LRP4: variants seen among roughly 807,000 people sequenced by gnomAD.
LRP4 encodes LDL receptor related protein 4, also known as low-density lipoprotein receptor-related protein 4.
In LRP4, 95 loss-of-function variants were observed where a neutral mutation model predicts 220.3. That is an observed-to-expected ratio of 0.43 (90% CI 0.37 to 0.51). The LOEUF (loss-of-function observed/expected upper bound fraction) is 0.51, where lower values mean the gene tolerates loss of function less well. Among genes scored for constraint, LRP4 ranks in the 20% least tolerant of loss-of-function variants. The pLI is 0.00. For missense variants in LRP4, 1,925 were observed against 2,567.0 expected, an observed-to-expected ratio of 0.75 and a Z score of 5.40; for synonymous variants, 903 against 954.6, an observed-to-expected ratio of 0.95 and a Z score of 1.00.
intron 7 of LRP4, 68 bp downstream of exon 7, chr11:46,898,490 G>A: frequency 6.2e-7 from 1 of 1,604,662 alleles, no homozygotes; most frequent in East Asian, 2.2e-5. Context: ...CCAGCCGGTA[G>A]TGGCCTCTTT....
In LRP4 at chr11:46,894,657, C is replaced by T. The variant is rs774924956; in HGVS notation, c.1472G>A (p.Arg491Gln). ...LVFWSDVTLD[R>Q]ILRANLNGSN... is the part of the protein sequence containing the mutation. The stretch of plus-strand genomic sequence containing the variant: ...GCCGTTGAGGTTGGCACGGAGGATC[C>T]GGTCCAGGGTGACATCTGACCAGAA... Residue 491 changes from arginine to glutamine, a missense_variant, in exon 12 of 38, where the codon CGG (arginine) becomes CAG (glutamine). By Grantham distance (43) the Arg-to-Gln change is conservative (BLOSUM62 1). This residue lies in a region of LRP4 where 269 missense variants were observed against 436.7 expected (regional missense o/e 0.62). Coordinates refer to ENST00000378623, the MANE Select transcript of LRP4 (RefSeq NM_002334.4). 21 of 1,614,030 alleles carry T rather than the reference C, an allele frequency of 1.3e-5. No homozygotes were observed. Among genetic ancestry groups the T allele is most frequent in the African/African-American group, 6.7e-5 (5 of 74,940 alleles).
Position 46,858,957 on chromosome 11 carries a change from G to A in LRP4, c.*26C>T. The A allele has an allele frequency of 1.2e-6, 2 of 1,604,548 alleles. No homozygotes were observed. The highest frequency in any genetic ancestry group is 1.9e-4 in the Middle Eastern group (1 of 5,402). On this transcript the variant is annotated 3_prime_UTR_variant, in exon 38 of 38. Transcript: ENST00000378623. ...GACGTCCATAAAGGAGAAGGAACAG[G>A]CAGGCAGGGAAGAGAATGTGGGCAT...
chr11:46,886,410 C>A lies in LRP4; in HGVS notation c.2339G>T (p.Trp780Leu), dbSNP rs1407716107. Residue 780 changes from tryptophan (W) to leucine (L), a missense_variant, in exon 17 of 38, where the codon TGG becomes TTG. Transcript: ENST00000378623. ...GTACACGTGGTCATCCCGGGAGTCC[C>A]AGTCAAGGGCCACAGCACTGCGCAC... The part of the protein sequence containing the change: ...ADVRSAVALD[W>L]DSRDDHVYWT... 8 of 1,613,400 alleles carry A rather than the reference C, an allele frequency of 5.0e-6. No homozygotes were observed. In the Admixed American group the frequency reaches 1.3e-4, roughly 27 times the overall value.
At chr11:46,870,041 G>A (rs1327620780) in intron 31 of LRP4, among the ~76,000 whole-genome samples, 1 of 152,052 alleles carries the variant, frequency 6.6e-6, no homozygotes, top group Non-Finnish European at 1.5e-5. Context: ...AGGAGGTGGG[G>A]GTTGTAGTGA....
Position 46,881,726 on chromosome 11 carries a change from A to G in LRP4, c.2790T>C (p.Ala930=). The G allele has an allele frequency of 6.2e-7, 1 of 1,612,172 alleles. No individual in the cohort carries two copies. Among genetic ancestry groups the G allele is most frequent in the Non-Finnish European group, 8.5e-7 (1 of 1,179,864 alleles). Residue 930 remains alanine, a synonymous_variant, in exon 20 of 38, where the codon GCT becomes GCC. Transcript: ENST00000378623. ...CCTTCCTCTTACTGCCATCCAGTCC[A>G]GCAAATTCAATTGTCTTCATGCCGG... is the stretch of plus-strand genomic sequence containing the variant. ...ADAGMKTIEF[A]GLDGSKRKVL...
rs773599397 is a variant in LRP4 at position 46,881,750 on chromosome 11, G to A, written c.2766C>T (p.Ala922=). ...CAGCAAATTCAATTGTCTTCATGCCGGCGTCAGCCCAGTATAGACGCTGGG... is the reference window on the plus strand; with the variant it reads ...CAGCAAATTCAATTGTCTTCATGCCAGCGTCAGCCCAGTATAGACGCTGGG... The part of the protein sequence containing the change: ...YGSQRLYWAD[A]GMKTIEFAGL... The change falls in exon 20 of 38, where the codon GCC becomes GCT. Residue 922 remains alanine, a synonymous_variant. Coordinates refer to ENST00000378623, the MANE Select transcript of LRP4 (RefSeq NM_002334.4). 1.9e-5 allele frequency: 30 copies of A among 1,613,782 alleles called. No individual in the cohort carries two copies. Among genetic ancestry groups the A allele is most frequent in the East Asian group, 6.7e-5 (3 of 44,816 alleles).
rs1207206457 is a variant in LRP4 at position 46,918,498 on chromosome 11, C to A, written c.-119G>T. The A allele has an allele frequency of 6.2e-6, 4 of 649,920 alleles. No homozygotes were observed. Among genetic ancestry groups the A allele is most frequent in the South Asian group, 7.1e-5 (1 of 14,112 alleles). 40.3% of individuals were successfully genotyped at this position (649,920 alleles called of 1,614,324 possible). A position where few individuals can be genotyped will look rare whatever the true frequency, so the allele number is the denominator to read the frequency against. On this transcript the variant is annotated 5_prime_UTR_variant, in exon 1 of 38. Transcript: ENST00000378623. This position sits in a 1 kb window ranked among gnomAD's most constrained non-coding sequence, Gnocchi z 6.0. Reference sequence around the variant, plus strand: ...CCGGGTGCACGGCGGCCTGCGCGCCCCGCAAGTCGCCCTCGGGCCGCCGCC... The same window carrying A: ...CCGGGTGCACGGCGGCCTGCGCGCCACGCAAGTCGCCCTCGGGCCGCCGCC...
At chr11:46,907,812 TCA>T in intron 1 of LRP4, among the ~76,000 whole-genome samples, 1 of 152,224 alleles carries the variant, frequency 6.6e-6, no homozygotes, top group East Asian at 1.9e-4. Flanking sequence ...CCTCCAGGCC[TCA>T]GTTTCCTCAT....
At position 46,890,111 on chromosome 11, in the gene LRP4, T is replaced by G; in HGVS notation, c.1925A>C (p.His642Pro). The change falls in exon 15 of 38, where the codon CAT becomes CCT. Residue 642 changes from histidine to proline, a missense_variant. His to Pro is a moderately conservative substitution (Grantham distance 77). This residue lies in a region of LRP4 where 269 missense variants were observed against 436.7 expected (regional missense o/e 0.62). Transcript: ENST00000378623. The surrounding 1 kb of genome is among the most constrained non-coding windows in gnomAD (Gnocchi z 5.3). ...TTCAAACACTGTGATGGCGAAGGGATGCGGGAGGCCTGGGGAAAGTCCAGG... is the reference window on the plus strand; with the variant it reads ...TTCAAACACTGTGATGGCGAAGGGAGGCGGGAGGCCTGGGGAAAGTCCAGG... ...RKAVISQGLP[H>P]PFAITVFEDS... The G allele has an allele frequency of 6.2e-7, 1 of 1,614,070 alleles. No individual in the cohort carries two copies. The highest frequency in any genetic ancestry group is 8.5e-7 in the Non-Finnish European group (1 of 1,180,010).
intron 20 of LRP4, among the ~76,000 whole-genome samples, chr11:46,881,355 AC>A (rs1159493680): frequency 1.3e-5 from 2 of 152,196 alleles, no homozygotes; most frequent in African/African-American, 4.8e-5. Flanking sequence ...CAAAACAAAA[AC>A]AAAAAGAGAT....
rs200125265 is a variant in LRP4 at position 46,916,275 on chromosome 11, G to GA, written c.52+2052dup. On this transcript the variant is annotated intron_variant, in intron 1 of 37. Transcript: ENST00000378623. Reference sequence around the variant, plus strand: ...GCAACATGGTGAAACCCCATCTCTAGAAAAAAAAACAAAAATTTGTAGGGT... The same window carrying GA: ...GCAACATGGTGAAACCCCATCTCTAGAAAAAAAAAACAAAAATTTGTAGGGT... Among the ~76,000 whole-genome samples the GA allele has an allele frequency of 2.9e-3, 429 of 149,576 alleles. 2 individuals are homozygous for GA. Among genetic ancestry groups the GA allele is most frequent in the Non-Finnish European group, 4.7e-3 (315 of 67,228 alleles).
At position 46,906,654 on chromosome 11, in the gene LRP4, TAG is replaced by T. The variant is rs562206377; in HGVS notation, c.53-3727_53-3726del. Among the ~76,000 whole-genome samples the T allele has an allele frequency of 1.6e-4, 25 of 152,244 alleles. No homozygotes were observed. The South Asian group carries it at 4.6e-3, about 28-fold the overall frequency. On this transcript the variant is annotated intron_variant, in intron 1 of 37. Transcript: ENST00000378623. ...AATCAGAGTACCAGAATAGAGCAAG[TAG>T]AGCAGTGTCCTGGGGCTGCGTGCAA...
intron 1 of LRP4, among the ~76,000 whole-genome samples, chr11:46,908,561 G>C (rs1941799918): frequency 6.6e-6 from 1 of 152,254 alleles, no homozygotes; most frequent in Admixed American, 6.5e-5. Flanking sequence ...TGGTATTACT[G>C]TTGTGAGAAT....
Position 46,918,230 on chromosome 11 carries a change from A to G in LRP4, c.52+98T>C. On this transcript the variant is annotated intron_variant, in intron 1 of 37. Coordinates refer to ENST00000378623, the MANE Select transcript of LRP4 (RefSeq NM_002334.4). This position sits in a 1 kb window ranked among gnomAD's most constrained non-coding sequence, Gnocchi z 6.0. The stretch of plus-strand genomic sequence containing the variant: ...AGGGCCACGGCTAGGAGCGAGGGCG[A>G]GGGGTCTCAGGCCCCGGCCCGCGCC... 5 of 1,283,592 alleles carry G rather than the reference A, an allele frequency of 3.9e-6. No homozygotes were observed. The highest frequency in any genetic ancestry group is 5.3e-6 in the Non-Finnish European group (5 of 936,582). The allele number at this position is 1,283,592 out of a possible 1,614,324, so 79.5% of individuals were successfully genotyped here.
In LRP4 at chr11:46,871,555, G is replaced by A; in HGVS notation, c.4662C>T (p.Ser1554=). 6.2e-7 allele frequency: 1 copy of A among 1,613,032 alleles called. No homozygotes were observed. The highest frequency in any genetic ancestry group is 8.5e-7 in the Non-Finnish European group (1 of 1,179,538). ...TGAGGGCAAAGGGGTGGGACACATG[G>A]CTGACCAAGACCTGCCGCAGTTTCC... ...LNGKLRQVLV[S]HVSHPFALTQ... Residue 1554 remains serine (S), a synonymous_variant, in exon 31 of 38, where the codon AGC becomes AGT. Transcript: ENST00000378623.
In LRP4 at chr11:46,900,943, C is replaced by G. The variant is rs1055129855; in HGVS notation, c.200-565G>C. On this transcript the variant is annotated intron_variant, in intron 2 of 37. Transcript: ENST00000378623. Reference sequence around the variant, plus strand: ...CTGGTGTTACAGGTGCCCGCTGCCACACCCAGCTATCTTTTTTTTTGTGTG... The same window carrying G: ...CTGGTGTTACAGGTGCCCGCTGCCAGACCCAGCTATCTTTTTTTTTGTGTG... Among the ~76,000 whole-genome samples the G allele has an allele frequency of 3.9e-5, 6 of 152,078 alleles. 1 individual carries two copies. Among genetic ancestry groups the G allele is most frequent in the Admixed American group, 3.3e-4 (5 of 15,264 alleles).
Position 46,894,643 on chromosome 11 carries a change from T to C in LRP4, c.1486A>G (p.Asn496Asp). The change falls in exon 12 of 38, where the codon AAC becomes GAC. Residue 496 changes from asparagine (N) to aspartate (D), a missense_variant. Asn to Asp is a conservative substitution (Grantham distance 23). This residue lies in a region of LRP4 where 269 missense variants were observed against 436.7 expected (regional missense o/e 0.62). Transcript: ENST00000378623. ...DVTLDRILRA[N>D]LNGSNVEEVV... ...TCCTCCACGTTGCTGCCGTTGAGGT[T>C]GGCACGGAGGATCCGGTCCAGGGTG... is the stretch of plus-strand genomic sequence containing the variant. 6.2e-7 allele frequency: 1 copy of C among 1,614,064 alleles called. No homozygotes were observed. Among genetic ancestry groups the C allele is most frequent in the Non-Finnish European group, 8.5e-7 (1 of 1,179,980 alleles).
Position 46,883,959 on chromosome 11 carries a change from C to G in LRP4, c.2524G>C (p.Val842Leu). The G allele has an allele frequency of 1.2e-6, 2 of 1,614,032 alleles. No individual in the cohort carries two copies. The highest frequency in any genetic ancestry group is 1.7e-6 in the Non-Finnish European group (2 of 1,179,874). Residue 842 changes from valine to leucine, a missense_variant, in exon 19 of 38, where the codon GTA becomes CTA. Physicochemically the swap from Val to Leu is conservative, Grantham distance 32. This residue lies in a region of LRP4 where 1,244 missense variants were observed against 1,624.9 expected (regional missense o/e 0.77). Coordinates refer to ENST00000378623, the MANE Select transcript of LRP4 (RefSeq NM_002334.4). ...WTDAGTDRIE[V>L]ANTDGSMRTV... ...CTCATGCTGCCATCTGTGTTGGCTACTTCAATCCGGTCTGTACCTATCAAG... is the reference window on the plus strand; with the variant it reads ...CTCATGCTGCCATCTGTGTTGGCTAGTTCAATCCGGTCTGTACCTATCAAG...
At chr11:46,864,983 GATTATT>G (rs1419653822) in intron 35 of LRP4, 130 bp downstream of exon 35, 2 of 802,464 alleles carry the variant, frequency 2.5e-6, no homozygotes, top group African/African-American at 3.4e-5. Context: ...GAGCTATTAT[GATTATT>G]ATTTCTATGG....
Sources: allele counts gnomAD v4.1 joint callset (sites outside exome capture counted in the v4.1 genomes callset), GRCh38; gene constraint gnomAD v4.1.1; regional missense constraint gnomAD v4.1.1; non-coding constraint Gnocchi (gnomAD v3.1); transcripts MANE v1.5; gene names NCBI Gene and HGNC (gene_info 2026-07-23, HGNC 2026-07-21).